The following COPB1 variants were observed in gnomAD, a reference collection of about 807,000 sequenced individuals.
COPB1 encodes coat protein complex I subunit beta 1.
Under a neutral mutation model 108.7 loss-of-function variants are expected in COPB1, and 21 were observed. The observed-to-expected ratio is 0.19, with a 90% CI of 0.14 to 0.28. The LOEUF (loss-of-function observed/expected upper bound fraction) is 0.28, where lower values mean the gene tolerates loss of function less well. COPB1 is among the 10% of genes least tolerant of loss of function. The probability of loss-of-function intolerance (pLI) is 1.00; values close to 1 mark genes in which losing one functional copy is unlikely to be tolerated. For synonymous variants in COPB1, 378 were observed against 386.8 expected, an observed-to-expected ratio of 0.98 and a Z score of 0.27; for missense variants, 919 against 1,141.3, an observed-to-expected ratio of 0.81 and a Z score of 2.81.
chr11:14,491,582 T>C (rs1476496942), intron 4 of COPB1, among the ~76,000 whole-genome samples: 4 of 151,198 alleles, frequency 2.6e-5, no homozygotes, highest in Non-Finnish European at 4.4e-5. Context: ...GGCAGGAGAA[T>C]TGCTTGAACC....
In COPB1 at chr11:14,461,290, C is replaced by T; in HGVS notation, c.2452G>A (p.Val818Ile). ...ATGTCGATGTGAATATCACTGAGAA[C>T]CACACAATTTCTGTCACTTGCTGCT... ...SGAASDRNCV[V>I]LSDIHIDIMD... The change falls in exon 19 of 22, where the codon GTT becomes ATT. Residue 818 changes from valine to isoleucine, a missense_variant. Physicochemically the swap from Val to Ile is conservative, Grantham distance 29. Around this residue, in one of 5 missense-constraint regions of COPB1, gnomAD observed 705 missense variants for 817.8 expected, o/e 0.86. Coordinates refer to ENST00000439561, the MANE Select transcript of COPB1 (RefSeq NM_001144061.2). 6.2e-7 allele frequency: 1 copy of T among 1,614,110 alleles called. No homozygotes were observed. Among genetic ancestry groups the T allele is most frequent in the Non-Finnish European group, 8.5e-7 (1 of 1,180,016 alleles).
At chr11:14,459,706 C>T (rs1305291775) in intron 20 of COPB1, among the ~76,000 whole-genome samples, 1 of 149,608 alleles carries the variant, frequency 6.7e-6, no homozygotes, top group East Asian at 2.0e-4. Context: ...ACCTCCACCC[C>T]CTGGGGTTCA....
In COPB1 at chr11:14,493,101, G is replaced by A. The variant is rs559024934; in HGVS notation, c.491+541C>T. On this transcript the variant is annotated intron_variant, in intron 4 of 21. Coordinates refer to ENST00000439561, the MANE Select transcript of COPB1 (RefSeq NM_001144061.2). The stretch of plus-strand genomic sequence containing the variant: ...GTGGAGGTTGTTGTGAGCCGAGATC[G>A]CGCCACTGTGCTCCAGCCTGGGCAA... Among the ~76,000 whole-genome samples the A allele has an allele frequency of 1.6e-4, 25 of 152,262 alleles. No homozygotes were observed. The South Asian group carries it at 3.7e-3, about 23-fold the overall frequency.
At chr11:14,459,164 T>C (rs1268774279) in intron 20 of COPB1, among the ~76,000 whole-genome samples, 1 of 152,218 alleles carries the variant, frequency 6.6e-6, no homozygotes, top group Non-Finnish European at 1.5e-5. Flanking sequence ...ATGTAAAAAG[T>C]GTGAATTTTA....
chr11:14,484,127 G>A (rs938469953), intron 7 of COPB1, among the ~76,000 whole-genome samples: 2 of 152,246 alleles, frequency 1.3e-5, no homozygotes, highest in East Asian at 1.9e-4. Flanking sequence ...CCCAAGTTAC[G>A]GGATATTTTA....
chr11:14,474,708 T>C (rs1850480589), intron 13 of COPB1, 93 bp from the exon 14 acceptor site: 3 of 1,508,190 alleles, frequency 2.0e-6, no homozygotes, highest in Non-Finnish European at 2.7e-6. Context: ...TTAAACACTC[T>C]TATTACCATC....
Position 14,457,800 on chromosome 11 carries a change from G to A in COPB1, c.*24C>T, listed in dbSNP as rs1850060537. On this transcript the variant is annotated 3_prime_UTR_variant, in exon 22 of 22. Transcript: ENST00000439561. The stretch of plus-strand genomic sequence containing the variant: ...AGCCCATACCTAAATTAACTGTAAA[G>A]CTTCAAGGACTTTTTGTTTATTTTT... 6.8e-7 allele frequency: 1 copy of A among 1,479,394 alleles called. No individual in the cohort carries two copies. The highest frequency in any genetic ancestry group is 1.1e-5 in the South Asian group (1 of 87,158). 91.6% of individuals were successfully genotyped at this position (1,479,394 alleles called of 1,614,324 possible).
chr11:14,481,110 A>G lies in COPB1; in HGVS notation c.958-13T>C. 6.3e-7 allele frequency: 1 copy of G among 1,591,900 alleles called. No individual in the cohort carries two copies. Among genetic ancestry groups the G allele is most frequent in the Admixed American group, 1.7e-5 (1 of 57,542 alleles). ...CCATAACCAGATCCTAAAAAAGAAGAAAAAATCAAGAATTAACACCAATCT... is the reference window on the plus strand; with the variant it reads ...CCATAACCAGATCCTAAAAAAGAAGGAAAAATCAAGAATTAACACCAATCT... On this transcript the variant is annotated splice_polypyrimidine_tract_variant and intron_variant, in intron 8 of 21. Coordinates refer to ENST00000439561, the MANE Select transcript of COPB1 (RefSeq NM_001144061.2).
chr11:14,476,518 G>A (rs1231090699), intron 12 of COPB1, among the ~76,000 whole-genome samples: 1 of 152,254 alleles, frequency 6.6e-6, no homozygotes, highest in East Asian at 1.9e-4. Context: ...GAAAAACACT[G>A]ATGTCAAGTT....
intron 5 of COPB1, among the ~76,000 whole-genome samples, chr11:14,489,509 G>A (rs2134123507): frequency 6.6e-6 from 1 of 152,308 alleles, no homozygotes; most frequent in African/African-American, 2.4e-5. Context: ...TAAACACAAT[G>A]TAGCATATAT....
intron 7 of COPB1, among the ~76,000 whole-genome samples, chr11:14,483,548 C>T (rs1385045370): frequency 6.6e-6 from 1 of 152,158 alleles, no homozygotes; most frequent in East Asian, 1.9e-4. Flanking sequence ...CAAAGTCTAA[C>T]TCATCTGCAT....
chr11:14,483,257 C>A, intron 7 of COPB1, 106 bp from the exon 8 acceptor site: 1 of 635,320 alleles, frequency 1.6e-6, no homozygotes, highest in Non-Finnish European at 2.5e-6. Context: ...CACACACACA[C>A]ACTCCCATGA....
chr11:14,470,944 A>ACACACACTCTCTCT (rs1285522756), intron 14 of COPB1, among the ~76,000 whole-genome samples: 24 of 90,210 alleles, frequency 2.7e-4, no homozygotes, highest in African/African-American at 1.3e-3. Context: ...ACACACACAC[A>ACACACACTCTCTCT]CTCTCTCTCT....
At chr11:14,488,335 CAAAAGT>C in intron 6 of COPB1, among the ~76,000 whole-genome samples, 151 bp downstream of exon 6, 1 of 152,064 alleles carries the variant, frequency 6.6e-6, no homozygotes, top group Admixed American at 6.5e-5. Context: ...TACAATAAAC[CAAAAGT>C]AAAAGAAACA....
At chr11:14,494,642 G>C (rs879268966) in intron 2 of COPB1, 1 of 492,226 alleles carries the variant, frequency 2.0e-6, no homozygotes, top group Non-Finnish European at 3.6e-6. Flanking sequence ...TTTATCTCTG[G>C]AAATCAGACT....
At chr11:14,486,576 T>C in intron 6 of COPB1, 72 bp from the exon 7 acceptor site, 2 of 1,565,422 alleles carry the variant, frequency 1.3e-6, no homozygotes, top group South Asian at 2.3e-5. Context: ...TTTTCATGAA[T>C]GTCAGCTTAT....
chr11:14,487,403 A>G (rs1369018586), intron 6 of COPB1, among the ~76,000 whole-genome samples: 1 of 152,200 alleles, frequency 6.6e-6, no homozygotes, highest in Non-Finnish European at 1.5e-5. Flanking sequence ...TAGGCTGGAC[A>G]TGGTGGCTCA....
chr11:14,473,727 T>C (rs951524985), intron 14 of COPB1, among the ~76,000 whole-genome samples: 5 of 152,066 alleles, frequency 3.3e-5, no homozygotes, highest in Admixed American at 3.3e-4. Context: ...GTTTGAAATA[T>C]TGTGAGAATT....
chr11:14,481,192 C>T (rs1028505875), intron 8 of COPB1, 95 bp from the exon 9 acceptor site: 6 of 843,462 alleles, frequency 7.1e-6, no homozygotes, highest in African/African-American at 6.8e-5. Context: ...TCTATCATCA[C>T]TTTAATTCTT....
Sources: allele counts gnomAD v4.1 joint callset (sites outside exome capture counted in the v4.1 genomes callset), GRCh38; gene constraint gnomAD v4.1.1; regional missense constraint gnomAD v4.1.1; transcripts MANE v1.5; gene names NCBI Gene and HGNC (gene_info 2026-07-23, HGNC 2026-07-21).